The following CCSER1 variants were observed in gnomAD, a reference collection of about 807,000 sequenced individuals.
CCSER1 encodes the protein coiled-coil serine rich protein 1.
CCSER1 carries 41 observed loss-of-function variants against 82.0 expected under a neutral mutation model. The ratio of observed to expected loss-of-function variants is 0.50; its 90% CI spans 0.39 to 0.65. CCSER1 has a LOEUF of 0.65. Ranked by LOEUF, CCSER1 falls within the 30% of genes least tolerant of loss-of-function variation. CCSER1 has a pLI of 0.00. For missense variants in CCSER1, 1,119 were observed against 1,064.2 expected, an observed-to-expected ratio of 1.05 and a Z score of -0.72; for synonymous variants, 414 against 383.9, an observed-to-expected ratio of 1.08 and a Z score of -0.92.
chr4:91,408,519 C>G (rs1752839279), intron 10 of CCSER1, among the ~76,000 whole-genome samples: 2 of 152,192 alleles, frequency 1.3e-5, no homozygotes, highest in African/African-American at 4.8e-5. Flanking sequence ...ATTTTTAATA[C>G]TGAATCCTCA....
At chr4:90,905,367 C>T (rs938574268) in intron 8 of CCSER1, among the ~76,000 whole-genome samples, 27 of 151,854 alleles carry the variant, frequency 1.8e-4, no homozygotes, top group Admixed American at 1.1e-3. Flanking sequence ...ACCACACACA[C>T]ACACACACAC....
At position 90,309,358 on chromosome 4, in the gene CCSER1, A is replaced by C; in HGVS notation, c.1074A>C (p.Thr358=). Residue 358 remains threonine (T), a synonymous_variant, in exon 2 of 11, where the codon ACA becomes ACC. Transcript: ENST00000509176. ...VLLQIAELPA[T]SVSHSESNLP... is the part of the protein sequence containing the mutation. ...TACAAATTGCTGAACTACCTGCTAC[A>C]AGTGTGAGCCACTCAGAGAGTAACC... is the stretch of plus-strand genomic sequence containing the variant. The C allele has an allele frequency of 6.2e-7, 1 of 1,613,888 alleles. No individual in the cohort carries two copies.
chr4:90,257,776 G>A (rs1348047641), intron 1 of CCSER1, among the ~76,000 whole-genome samples: 1 of 152,112 alleles, frequency 6.6e-6, no homozygotes, highest in Admixed American at 6.6e-5. Flanking sequence ...CTGAAGACAG[G>A]AGAATTTTGA....
At chr4:90,611,586 A>G (rs941025928) in intron 5 of CCSER1, among the ~76,000 whole-genome samples, 2 of 151,570 alleles carry the variant, frequency 1.3e-5, no homozygotes, top group African/African-American at 4.8e-5. Context: ...AAGTTCTTAT[A>G]TGATTGGTAT....
At chr4:90,925,722 T>C (rs972499402) in intron 9 of CCSER1, among the ~76,000 whole-genome samples, 34 of 152,334 alleles carry the variant, frequency 2.2e-4, no homozygotes, top group Middle Eastern at 3.4e-3. Context: ...GCCATGGTAA[T>C]TGTTAATCCT....
rs761546977 is a variant in CCSER1, at chr4:90,846,681, AC to A, written c.2094+30837del. Among the ~76,000 whole-genome samples, 12 of 152,088 alleles carry A rather than the reference AC, an allele frequency of 7.9e-5. 2 individuals carry two copies. The South Asian group carries it at 2.5e-3, about 32-fold the overall frequency. On this transcript the variant is annotated intron_variant, in intron 8 of 10. Coordinates refer to ENST00000509176, the MANE Select transcript of CCSER1 (RefSeq NM_001145065.2). Reference sequence around the variant, plus strand: ...CACCAGAATTTATTCCTTCTAACTAACTGTATTTTTGTACCCATTAACCAAC... The same window carrying A: ...CACCAGAATTTATTCCTTCTAACTAATGTATTTTTGTACCCATTAACCAAC...
intron 9 of CCSER1, among the ~76,000 whole-genome samples, chr4:90,946,578 C>T (rs1460530341): frequency 6.6e-6 from 1 of 150,828 alleles, no homozygotes; most frequent in Admixed American, 6.6e-5. Flanking sequence ...TTACAGTGAG[C>T]CTAGATCATG....
chr4:90,152,671 G>A (rs1298673572), intron 1 of CCSER1, among the ~76,000 whole-genome samples: 1 of 151,982 alleles, frequency 6.6e-6, no homozygotes, highest in African/African-American at 2.4e-5. Context: ...ATTGCAGTTT[G>A]GCTGAGATAG....
rs149547326 is a variant in CCSER1, at chr4:90,326,281, C to T, written c.1509+13234C>T. 6.2e-3 allele frequency among the ~76,000 whole-genome samples: 948 copies of T among 152,092 alleles called. 14 individuals carry two copies. Among genetic ancestry groups the T allele is most frequent in the African/African-American group, 0.022 (899 of 41,476 alleles). ...TTCACTGTGTTAGCCAAGGTGGTCT[C>T]CATCTCCTGACCTCGTGATCCTCCT... On this transcript the variant is annotated intron_variant, in intron 3 of 10. Coordinates refer to ENST00000509176, the MANE Select transcript of CCSER1 (RefSeq NM_001145065.2).
chr4:90,460,775 A>G (rs1762795375), intron 4 of CCSER1, among the ~76,000 whole-genome samples: 1 of 152,112 alleles, frequency 6.6e-6, no homozygotes, highest in Non-Finnish European at 1.5e-5. Context: ...CTTCTCTCAC[A>G]CCCATCTGTA....
At chr4:90,232,172 C>G (rs997838962) in intron 1 of CCSER1, among the ~76,000 whole-genome samples, 6 of 152,096 alleles carry the variant, frequency 3.9e-5, no homozygotes, top group African/African-American at 1.4e-4. Flanking sequence ...CAAGTCAATC[C>G]TAATCCAAAA....
intron 6 of CCSER1, among the ~76,000 whole-genome samples, chr4:90,651,666 A>G (rs1421726634): frequency 6.7e-6 from 1 of 148,556 alleles, no homozygotes; most frequent in Non-Finnish European, 1.5e-5. Context: ...CTCTGCATGC[A>G]TCCCAGAACT....
At chr4:91,171,168 A>C (rs186641809) in intron 10 of CCSER1, among the ~76,000 whole-genome samples, 1 of 152,322 alleles carries the variant, frequency 6.6e-6, no homozygotes, top group Admixed American at 6.5e-5. Flanking sequence ...CTCTAAAGCT[A>C]GAAAGAAACT....
At chr4:90,761,335 C>T (rs1750384986) in intron 7 of CCSER1, among the ~76,000 whole-genome samples, 1 of 152,144 alleles carries the variant, frequency 6.6e-6, no homozygotes. Flanking sequence ...TCTGATCACA[C>T]TGCTTGGAAT....
intron 10 of CCSER1, among the ~76,000 whole-genome samples, chr4:91,377,074 T>G (rs1750472062): frequency 6.6e-6 from 1 of 152,150 alleles, no homozygotes; most frequent in Non-Finnish European, 1.5e-5. Context: ...ACAAAGGACA[T>G]GAACTCATCA....
intron 10 of CCSER1, among the ~76,000 whole-genome samples, chr4:91,510,600 A>T (rs1397688496): frequency 6.6e-6 from 1 of 152,078 alleles, no homozygotes; most frequent in Non-Finnish European, 1.5e-5. Flanking sequence ...AGAATTTTCC[A>T]CGTTTGTTGG....
chr4:90,879,541 A>AAGAGG, intron 8 of CCSER1, among the ~76,000 whole-genome samples: 2 of 135,224 alleles, frequency 1.5e-5, no homozygotes. Flanking sequence ...GAAGAAGAAG[A>AAGAGG]AAGAAGAAGA....
intron 6 of CCSER1, among the ~76,000 whole-genome samples, chr4:90,692,347 T>C (rs930564465): frequency 8.6e-5 from 13 of 151,950 alleles, no homozygotes; most frequent in Admixed American, 2.6e-4. Flanking sequence ...TAACTTCAAA[T>C]AAATTTTTGG....
intron 9 of CCSER1, among the ~76,000 whole-genome samples, chr4:91,028,534 A>G (rs1397716271): frequency 6.6e-6 from 1 of 151,994 alleles, no homozygotes; most frequent in Non-Finnish European, 1.5e-5. Context: ...GTGGACATTG[A>G]TATGTAATAC....
Sources: gnomAD v4.1 joint callset for allele counts (sites outside exome capture counted in the v4.1 genomes callset) on GRCh38, gnomAD v4.1.1 for gene constraint, MANE v1.5 for transcripts, NCBI Gene and HGNC (gene_info 2026-07-23, HGNC 2026-07-21) for gene names.